ANXA4: variants seen among roughly 807,000 people sequenced by gnomAD.
ANXA4 encodes 35-beta calcimedin.
ANXA4 carries 39 observed loss-of-function variants against 49.8 expected under a neutral mutation model. That is an observed-to-expected ratio of 0.78 (90% CI 0.61 to 1.02). The LOEUF is 1.02. Among genes scored for constraint, ANXA4 ranks in the 50% least tolerant of loss-of-function variants. The probability of loss-of-function intolerance (pLI) is 0.00; values close to 1 mark genes in which losing one functional copy is unlikely to be tolerated. For missense variants in ANXA4, 360 were observed against 410.1 expected (o/e 0.88, Z 1.05); for synonymous variants, 134 against 152.5 (o/e 0.88, Z 0.89).
At chr2:69,683,989 T>C (rs1343494863) in intron 2 of ANXA4, among the ~76,000 whole-genome samples, 3 of 152,188 alleles carry the variant, frequency 2.0e-5, no homozygotes, top group Admixed American at 6.5e-5. Flanking sequence ...CAAGAGTTGA[T>C]TGTTTTAAGT....
At chr2:69,746,071 G>A (rs957871034) in intron 1 of ANXA4, among the ~76,000 whole-genome samples, 2 of 151,998 alleles carry the variant, frequency 1.3e-5, no homozygotes, top group Non-Finnish European at 2.9e-5. Flanking sequence ...GAGTGCAGTC[G>A]TGCGATCTTG....
At chr2:69,671,653 G>A (rs1178719642) in intron 2 of ANXA4, among the ~76,000 whole-genome samples, 25 of 152,296 alleles carry the variant, frequency 1.6e-4, no homozygotes, top group Non-Finnish European at 2.4e-4. Flanking sequence ...AACTTGGGAG[G>A]CAAAGGTTGC....
intron 3 of ANXA4, among the ~76,000 whole-genome samples, chr2:69,790,532 C>T (rs1309695433): frequency 6.6e-6 from 1 of 152,086 alleles, no homozygotes; most frequent in African/African-American, 2.4e-5. Context: ...CACTATAGGC[C>T]GTAACCATGA....
intron 2 of ANXA4, among the ~76,000 whole-genome samples, chr2:69,709,267 A>G (rs1678600838): frequency 6.6e-6 from 1 of 152,234 alleles, no homozygotes; most frequent in South Asian, 2.1e-4. Flanking sequence ...TATTTACAGG[A>G]TAAGACTTTA....
chr2:69,649,096 G>A (rs941852928), intron 1 of ANXA4, among the ~76,000 whole-genome samples: 1 of 151,874 alleles, frequency 6.6e-6, no homozygotes, highest in African/African-American at 2.4e-5. Flanking sequence ...ATGTTGGTCA[G>A]GCTGGTCTCG....
At chr2:69,673,817 C>T in intron 2 of ANXA4, among the ~76,000 whole-genome samples, 1 of 152,010 alleles carries the variant, frequency 6.6e-6, no homozygotes, top group Non-Finnish European at 1.5e-5. Context: ...TGGCCCTAGC[C>T]CAGTGCCAAA....
At chr2:69,764,330 T>C (rs966840954) in intron 1 of ANXA4, among the ~76,000 whole-genome samples, 21 of 152,332 alleles carry the variant, frequency 1.4e-4, no homozygotes, top group African/African-American at 4.1e-4. Context: ...ACTTTGATTC[T>C]AAAATAACTC....
At chr2:69,686,037 A>G (rs1014406513) in intron 2 of ANXA4, among the ~76,000 whole-genome samples, 4 of 152,220 alleles carry the variant, frequency 2.6e-5, no homozygotes, top group Non-Finnish European at 5.9e-5. Flanking sequence ...GAGGAGAGAT[A>G]ATAATTAAAC....
rs563320633 is a variant in ANXA4 at position 69,692,142 on chromosome 2, C to T, written n.767-28632C>T. ...TCAGGTGATCCACCCACCTCGGCCT[C>T]CCAAAGTGCTGGGATTACAGGCGTG... On this transcript the variant is annotated intron_variant and non_coding_transcript_variant, in intron 2 of 3. Transcript: ENST00000418066. Among the ~76,000 whole-genome samples the T allele has an allele frequency of 5.4e-3, 815 of 152,334 alleles. 10 individuals are homozygous for T. Among genetic ancestry groups the T allele is most frequent in the African/African-American group, 0.018 (769 of 41,572 alleles).
At chr2:69,690,422 A>G (rs1476853621) in intron 2 of ANXA4, among the ~76,000 whole-genome samples, 1 of 152,092 alleles carries the variant, frequency 6.6e-6, no homozygotes, top group Non-Finnish European at 1.5e-5. Context: ...TATTTTTAGT[A>G]GAGACGGTGT....
At chr2:69,820,360 G>A (rs1238058716) in intron 11 of ANXA4, among the ~76,000 whole-genome samples, 2 of 152,064 alleles carry the variant, frequency 1.3e-5, no homozygotes, top group Non-Finnish European at 2.9e-5. Context: ...TTCATGTGGT[G>A]AAGGGAAGGG....
intron 1 of ANXA4, among the ~76,000 whole-genome samples, chr2:69,746,798 C>T (rs1670631521): frequency 6.7e-6 from 1 of 148,268 alleles, no homozygotes; most frequent in Non-Finnish European, 1.5e-5. Flanking sequence ...ATGGAGAATT[C>T]TGTCTCTACC....
chr2:69,733,445 T>C (rs1336171617), intron 3 of ANXA4, among the ~76,000 whole-genome samples: 2 of 151,504 alleles, frequency 1.3e-5, no homozygotes, highest in African/African-American at 2.4e-5. Flanking sequence ...CTACAAAAAA[T>C]AGAAAAAATT....
intron 1 of ANXA4, among the ~76,000 whole-genome samples, chr2:69,749,927 A>AAC (rs1425945594): frequency 6.6e-6 from 1 of 151,972 alleles, no homozygotes; most frequent in African/African-American, 2.4e-5. Flanking sequence ...TATCTCAAAA[A>AAC]AAAAAAAGAA....
chr2:69,718,640 C>G (rs1488178839), intron 2 of ANXA4, among the ~76,000 whole-genome samples: 1 of 152,200 alleles, frequency 6.6e-6, no homozygotes, highest in Non-Finnish European at 1.5e-5. Flanking sequence ...CCCACCAGCC[C>G]TATCCACAGC....
chr2:69,653,138 G>C (rs1250808082), exon 2 of ANXA4: 2 of 152,136 alleles, frequency 1.3e-5, no homozygotes, highest in Non-Finnish European at 2.9e-5. Flanking sequence ...AGTTCTTCAG[G>C]ACTATTTGAG....
upstream of ANXA4, among the ~76,000 whole-genome samples, chr2:69,740,303 T>A (rs1670351007): frequency 6.6e-6 from 1 of 152,076 alleles, no homozygotes; most frequent in South Asian, 2.1e-4. Flanking sequence ...CCTCCCAAAG[T>A]GTTGGGATTA....
chr2:69,780,583 C>T (rs185262850), intron 1 of ANXA4, among the ~76,000 whole-genome samples: 3 of 152,220 alleles, frequency 2.0e-5, no homozygotes, highest in Admixed American at 1.3e-4. Flanking sequence ...TAACTAAACT[C>T]TGAGAAGAGG....
intron 2 of ANXA4, among the ~76,000 whole-genome samples, chr2:69,691,490 A>G (rs1677963657): frequency 6.6e-6 from 1 of 152,100 alleles, no homozygotes; most frequent in African/African-American, 2.4e-5. Context: ...TGGAGACAGA[A>G]GACAGGAATG....
Sources: gnomAD v4.1 joint callset for allele counts (sites outside exome capture counted in the v4.1 genomes callset) on GRCh38, gnomAD v4.1.1 for gene constraint, MANE v1.5 for transcripts, NCBI Gene and HGNC (gene_info 2026-07-23, HGNC 2026-07-21) for gene names.